The following CLASP1 variants were observed in gnomAD, a reference collection of about 807,000 sequenced individuals.
CLASP1 encodes the protein cytoplasmic linker associated protein 1.
A neutral mutation model predicts 192.3 loss-of-function variants in CLASP1; 38 were observed. That is an observed-to-expected ratio of 0.20 (90% confidence interval 0.15 to 0.26). The LOEUF (loss-of-function observed/expected upper bound fraction) is 0.26. Among genes scored for constraint, CLASP1 ranks in the 10% least tolerant of loss-of-function variants. The pLI, the probability that CLASP1 is intolerant of heterozygous loss-of-function variation, is 1.00. For missense variants in CLASP1, 1,433 were observed against 1,932.5 expected (o/e 0.74, Z 4.85); for synonymous variants, 691 against 712.8 (o/e 0.97, Z 0.49).
At chr2:121,414,055 G>A (rs529691047) in intron 23 of CLASP1, among the ~76,000 whole-genome samples, 86 bp downstream of exon 24, 15 of 152,308 alleles carry the variant, frequency 9.8e-5, no homozygotes, top group Middle Eastern at 3.4e-3. Context: ...CCAAGTGCTA[G>A]CCGACACAGA....
intron 2 of CLASP1, among the ~76,000 whole-genome samples, chr2:121,549,469 T>C (rs571014200): frequency 4.0e-4 from 61 of 152,216 alleles, no homozygotes; most frequent in African/African-American, 1.4e-3. Flanking sequence ...CAAAGAGATT[T>C]ACACTCCCAC....
At chr2:121,364,887 C>A (rs573252274) in intron 36 of CLASP1, 2 of 593,772 alleles carry the variant, frequency 3.4e-6, no homozygotes, top group African/African-American at 3.7e-5. Context: ...AGACCATGCA[C>A]GTAAGCCAAG....
intron 1 of CLASP1, among the ~76,000 whole-genome samples, chr2:121,646,766 G>A (rs1576750196): frequency 6.6e-6 from 1 of 152,148 alleles, no homozygotes; most frequent in South Asian, 2.1e-4. Context: ...GGCCAGGCGT[G>A]GTGGCTCACG....
intron 2 of CLASP1, among the ~76,000 whole-genome samples, chr2:121,569,582 G>T (rs1224810977): frequency 6.6e-6 from 1 of 152,224 alleles, no homozygotes; most frequent in Non-Finnish European, 1.5e-5. Context: ...GCCGGACGTG[G>T]TGGCTCACAC....
At chr2:121,442,679 C>T (rs1296528789) in intron 19 of CLASP1, among the ~76,000 whole-genome samples, 1 of 152,088 alleles carries the variant, frequency 6.6e-6, no homozygotes, top group East Asian at 1.9e-4. Context: ...GGGGTTTCAC[C>T]ACGTTGGTCA....
chr2:121,589,725 T>C (rs1441682326), intron 2 of CLASP1, among the ~76,000 whole-genome samples: 1 of 152,106 alleles, frequency 6.6e-6, no homozygotes. Context: ...TATTAGGTTA[T>C]AGTAGGTGTG....
At chr2:121,532,522 C>A (rs1355439785) in intron 2 of CLASP1, 1 of 152,182 alleles carries the variant, frequency 6.6e-6, no homozygotes, top group African/African-American at 2.4e-5. Flanking sequence ...TTCCCAAGAC[C>A]CTTAAGCTCA....
At chr2:121,463,179 G>A (rs2088492920) in intron 9 of CLASP1, among the ~76,000 whole-genome samples, 1 of 152,156 alleles carries the variant, frequency 6.6e-6, no homozygotes, top group African/African-American at 2.4e-5. Context: ...AAGTATTGGA[G>A]AAAGTATTTC....
intron 2 of CLASP1, among the ~76,000 whole-genome samples, chr2:121,555,135 G>A (rs560676396): frequency 5.9e-5 from 9 of 152,290 alleles, no homozygotes; most frequent in South Asian, 2.1e-4. Flanking sequence ...GAGAGCTCAC[G>A]CTGCACACAA....
chr2:121,451,665 C>T (rs1165120838), intron 15 of CLASP1, 125 bp downstream of exon 15: 7 of 700,928 alleles, frequency 1.0e-5, no homozygotes, highest in South Asian at 5.5e-5. Context: ...AAACAACAGA[C>T]GTAGTCATGA....
chr2:121,514,918 C>T (rs1432679303), intron 7 of CLASP1, among the ~76,000 whole-genome samples: 1 of 152,172 alleles, frequency 6.6e-6, no homozygotes, highest in Non-Finnish European at 1.5e-5. Flanking sequence ...TTCTAGGCCT[C>T]TGGGGTTTCC....
chr2:121,590,867 ATTTT>A, intron 2 of CLASP1, among the ~76,000 whole-genome samples: 1 of 135,724 alleles, frequency 7.4e-6, no homozygotes. Context: ...AAATTATTTG[ATTTT>A]TTTTTTTTTT....
At chr2:121,635,062 C>T (rs1165420043) in intron 1 of CLASP1, among the ~76,000 whole-genome samples, 5 of 152,032 alleles carry the variant, frequency 3.3e-5, no homozygotes, top group Non-Finnish European at 7.4e-5. Context: ...GAGAGCTAGG[C>T]ACTGTGGCTC....
chr2:121,644,020 A>G (rs767819257), intron 1 of CLASP1, among the ~76,000 whole-genome samples: 15 of 152,118 alleles, frequency 9.9e-5, no homozygotes, highest in Non-Finnish European at 1.3e-4. Flanking sequence ...CATGGTTATT[A>G]ACTCCTACCA....
chr2:121,481,036 C>G (rs1489144965), intron 8 of CLASP1, among the ~76,000 whole-genome samples: 3 of 152,222 alleles, frequency 2.0e-5, no homozygotes, highest in African/African-American at 7.2e-5. Flanking sequence ...AAGTCACTCC[C>G]CTTCTCCCTT....
chr2:121,387,604 T>C (rs1387776138), intron 31 of CLASP1, among the ~76,000 whole-genome samples, 159 bp downstream of exon 32: 1 of 152,192 alleles, frequency 6.6e-6, no homozygotes, highest in Non-Finnish European at 1.5e-5. Context: ...ATCAGATTCA[T>C]TCATTCACTG....
intron 8 of CLASP1, among the ~76,000 whole-genome samples, chr2:121,502,061 C>T (rs1357178316): frequency 6.6e-6 from 1 of 152,170 alleles, no homozygotes; most frequent in Admixed American, 6.5e-5. Context: ...GAGTAATTCA[C>T]TCCTGTCTTT....
At chr2:121,453,523 A>G (rs2085996167) in intron 14 of CLASP1, among the ~76,000 whole-genome samples, 1 of 152,062 alleles carries the variant, frequency 6.6e-6, no homozygotes, top group Non-Finnish European at 1.5e-5. Flanking sequence ...AAAAGACACC[A>G]ACTACACACA....
At chr2:121,481,724 G>A (rs2092611189) in intron 8 of CLASP1, among the ~76,000 whole-genome samples, 1 of 152,136 alleles carries the variant, frequency 6.6e-6, no homozygotes, top group Admixed American at 6.5e-5. Context: ...TCTTGCCCTA[G>A]CCTCTACCAC....
Sources: gnomAD v4.1 joint callset for allele counts (sites outside exome capture counted in the v4.1 genomes callset) on GRCh38, gnomAD v4.1.1 for gene constraint, MANE v1.5 for transcripts, NCBI Gene and HGNC (gene_info 2026-07-23, HGNC 2026-07-21) for gene names.